The following TAF6L variants were observed in gnomAD, a reference collection of about 807,000 sequenced individuals.
The protein encoded by TAF6L is TATA-box binding protein associated factor 6 like.
Under a neutral mutation model 57.3 loss-of-function variants are expected in TAF6L, and 34 were observed. The ratio of observed to expected loss-of-function variants is 0.59; its 90% CI spans 0.45 to 0.79. TAF6L has a LOEUF of 0.79. Ranked by LOEUF, TAF6L falls within the 30% of genes least tolerant of loss-of-function variation. The pLI, the probability that TAF6L is intolerant of heterozygous loss-of-function variation, is 0.00. For missense variants in TAF6L, 782 were observed against 853.2 expected (o/e 0.92, Z 1.04); for synonymous variants, 417 against 376.3 (o/e 1.11, Z -1.25).
chr11:62,786,628 C>T lies in TAF6L; in HGVS notation c.1201C>T (p.Leu401Phe), dbSNP rs1242284975. ...GGACGACCTGCCATGGGACAGCCTT[C>T]TCTTTCAAGAGTCGTCCTCCGGGGG... ...RLDDLPWDSLLFQESSSGGGA... is the reference protein window; with the variant it reads ...RLDDLPWDSLFFQESSSGGGA... The change falls in exon 11 of 11, where the codon CTC (leucine) becomes TTC (phenylalanine). Residue 401 changes from leucine to phenylalanine, a missense_variant. By Grantham distance (22) the Leu-to-Phe change is conservative. Coordinates refer to ENST00000294168, the MANE Select transcript of TAF6L (RefSeq NM_006473.4). 2.5e-6 allele frequency: 4 copies of T among 1,601,968 alleles called. No individual in the cohort carries two copies. Among genetic ancestry groups the T allele is most frequent in the Non-Finnish European group, 3.4e-6 (4 of 1,174,040 alleles).
At chr11:62,773,604 C>T (rs518668) in intron 1 of TAF6L, among the ~76,000 whole-genome samples, 12,367 of 152,084 alleles carry the variant, frequency 0.081, 1,013 homozygotes, top group African/African-American at 0.21. Context: ...TGTGCCACCA[C>T]ACCTGGCTAA....
rs1262183536 is a variant in TAF6L at position 62,787,231 on chromosome 11, G to A, written c.1804G>A (p.Gly602Ser). The A allele has an allele frequency of 1.3e-6, 2 of 1,574,788 alleles. No individual in the cohort carries two copies. Among genetic ancestry groups the A allele is most frequent in the Admixed American group, 1.7e-5 (1 of 57,302 alleles). The change falls in exon 11 of 11, where the codon GGC becomes AGC. Residue 602 changes from glycine (G) to serine (S), a missense_variant. Gly to Ser is a moderately conservative substitution (Grantham distance 56). Transcript: ENST00000294168. ...CTACGTGCAGAAACTGCCCATGATC[G>A]GCCGTACCAGCCGCCCCGCCCGCCG... ...SRYVQKLPMI[G>S]RTSRPARRWA...
intron 5 of TAF6L, 117 bp from the exon 6 acceptor site, chr11:62,778,752 G>A: frequency 4.5e-6 from 4 of 889,446 alleles, no homozygotes; most frequent in Non-Finnish European, 7.4e-6. Flanking sequence ...TGGTTGTCCT[G>A]TCAGAAAGGC....
intron 9 of TAF6L, 169 bp from the exon 10 acceptor site, chr11:62,786,091 A>G (rs1156566455): frequency 5.2e-6 from 4 of 770,592 alleles, no homozygotes; most frequent in African/African-American, 5.2e-5. Context: ...TAGCTTAGGT[A>G]TACAGTAGGT....
intron 3 of TAF6L, among the ~76,000 whole-genome samples, chr11:62,777,266 G>T (rs2084194610): frequency 6.6e-6 from 1 of 152,134 alleles, no homozygotes; most frequent in Non-Finnish European, 1.5e-5. Flanking sequence ...GGCGTAGGTT[G>T]CAGTGAGCCG....
In TAF6L at chr11:62,787,342, A is replaced by G. The variant is rs2584916; in HGVS notation, c.*46A>G. The stretch of plus-strand genomic sequence containing the variant: ...TTGTAAATAAATCCCGCCCCCGGAA[A>G]TGACGTCTCCACCTTCGTGGGTCGC... On this transcript the variant is annotated 3_prime_UTR_variant, in exon 11 of 11. Transcript: ENST00000294168. 101,801 of 1,523,776 alleles carry G rather than the reference A, an allele frequency of 0.067. 4,845 individuals are homozygous for G. Among genetic ancestry groups the G allele is most frequent in the African/African-American group, 0.21 (15,059 of 70,900 alleles). The allele number at this position is 1,523,776 out of a possible 1,614,324, so 94.4% of individuals were successfully genotyped here.
chr11:62,772,269 C>T, intron 1 of TAF6L: 1 of 383,768 alleles, frequency 2.6e-6, no homozygotes. Context: ...CGCCTGTAAT[C>T]CTAGCACTTT....
rs761528474 is a variant in TAF6L at position 62,777,993 on chromosome 11, G to A, written c.250G>A (p.Gly84Arg). The change falls in exon 4 of 11, where the codon GGA (glycine) becomes AGA (arginine). Residue 84 changes from glycine (G) to arginine (R), a missense_variant. Coordinates refer to ENST00000294168, the MANE Select transcript of TAF6L (RefSeq NM_006473.4). ...TTTTCCTCAGGCTGTGTGTGGTTAC[G>A]GATCACAGGAGGCACTGCCCATGCG... is the stretch of plus-strand genomic sequence containing the variant. The part of the protein sequence containing the change: ...WSSVEAVCGY[G>R]SQEALPMRPA... 8.1e-6 allele frequency: 13 copies of A among 1,614,120 alleles called. No homozygotes were observed. In the South Asian group the frequency reaches 8.8e-5, roughly 11 times the overall value.
At position 62,786,722 on chromosome 11, in the gene TAF6L, C is replaced by T. The variant is rs774819975; in HGVS notation, c.1295C>T (p.Ser432Phe). 212 of 1,612,986 alleles carry T rather than the reference C, an allele frequency of 1.3e-4. No homozygotes were observed. The highest frequency in any genetic ancestry group is 1.7e-4 in the Non-Finnish European group (195 of 1,179,802). Residue 432 changes from serine (S) to phenylalanine (F), a missense_variant, in exon 11 of 11, where the codon TCT becomes TTT. Coordinates refer to ENST00000294168, the MANE Select transcript of TAF6L (RefSeq NM_006473.4). ...GGGGGCGCGGGGCCGGAGGACCCTT[C>T]TCTTTCGGTGACCCTGGCCGACATC... Reference protein sequence around the residue: ...PPGGAGPEDPSLSVTLADIYR... With the variant: ...PPGGAGPEDPFLSVTLADIYR...
intron 9 of TAF6L, 73 bp downstream of exon 9, chr11:62,782,898 G>C: frequency 6.3e-7 from 1 of 1,578,450 alleles, no homozygotes; most frequent in Non-Finnish European, 8.6e-7. Flanking sequence ...CTTGTGCATC[G>C]TTATCTCCAA....
chr11:62,775,779 G>A lies in TAF6L; in HGVS notation c.-5G>A, dbSNP rs756785276. On this transcript the variant is annotated 5_prime_UTR_variant, in exon 2 of 11. Transcript: ENST00000294168. ...TCATTCTCCACTCCCAGCTCCACTG[G>A]GGCCATGTCAGAGCGAGAAGAGCGG... 1.9e-6 allele frequency: 3 copies of A among 1,605,088 alleles called. No individual in the cohort carries two copies. The highest frequency in any genetic ancestry group is 2.5e-6 in the Non-Finnish European group (3 of 1,178,656).
In TAF6L at chr11:62,786,810, T is replaced by C. The variant is rs1313244694; in HGVS notation, c.1383T>C (p.Pro461=). The C allele has an allele frequency of 3.7e-6, 6 of 1,608,226 alleles. No homozygotes were observed. In the African/African-American group the frequency reaches 8.0e-5, roughly 21 times the overall value. Residue 461 remains proline (P), a synonymous_variant, in exon 11 of 11, where the codon CCT becomes CCC. Transcript: ENST00000294168. ...SLATRFGTGQ[P]APTAPRPPGD... ...CCACACGCTTTGGCACCGGCCAGCC[T>C]GCACCCACGGCTCCGCGGCCGCCCG... is the stretch of plus-strand genomic sequence containing the variant.
At chr11:62,784,345 C>T (rs1389892927) in intron 9 of TAF6L, among the ~76,000 whole-genome samples, 1 of 145,494 alleles carries the variant, frequency 6.9e-6, no homozygotes, top group Non-Finnish European at 1.5e-5. Context: ...CGCTCTGACA[C>T]CCAGGCTGGA....
chr11:62,786,609 C>T lies in TAF6L; in HGVS notation c.1182C>T (p.Asp394=). 1.9e-6 allele frequency: 3 copies of T among 1,589,524 alleles called. No homozygotes were observed. Among genetic ancestry groups the T allele is most frequent in the South Asian group, 1.1e-5 (1 of 87,944 alleles). ...PGGRGCRRLD[D]LPWDSLLFQE... ...GCAGGGGGTGCCGGCGCCTGGACGA[C>T]CTGCCATGGGACAGCCTTCTCTTTC... The change falls in exon 11 of 11, where the codon GAC becomes GAT. Residue 394 remains aspartate (D), a synonymous_variant. Coordinates refer to ENST00000294168, the MANE Select transcript of TAF6L (RefSeq NM_006473.4).
At chr11:62,775,011 C>T (rs2084175409) in intron 1 of TAF6L, among the ~76,000 whole-genome samples, 1 of 148,986 alleles carries the variant, frequency 6.7e-6, no homozygotes, top group Admixed American at 6.7e-5. Context: ...TTGCAGTGAG[C>T]TGAGATCGCG....
At chr11:62,784,335 C>A (rs769054257) in intron 9 of TAF6L, among the ~76,000 whole-genome samples, 69 of 136,290 alleles carry the variant, frequency 5.1e-4, no homozygotes, top group South Asian at 7.0e-4. Flanking sequence ...GACGGAGTCT[C>A]GCTCTGACAC....
intron 3 of TAF6L, 56 bp from the exon 4 acceptor site, chr11:62,777,922 C>G: frequency 9.4e-6 from 15 of 1,592,200 alleles, no homozygotes; most frequent in Non-Finnish European, 1.3e-5. Flanking sequence ...ATCCTGGATC[C>G]TGACGCCTGC....
At chr11:62,776,057 C>T (rs762925935) in intron 2 of TAF6L, 127 bp downstream of exon 2, 4 of 1,244,766 alleles carry the variant, frequency 3.2e-6, no homozygotes, top group Middle Eastern at 2.0e-4. Context: ...ACAGTCCATG[C>T]CTTTACAGAA....
At chr11:62,784,616 ATT>A (rs1279703724) in intron 9 of TAF6L, among the ~76,000 whole-genome samples, 6 of 151,998 alleles carry the variant, frequency 3.9e-5, no homozygotes, top group Non-Finnish European at 5.9e-5. Context: ...TATATTCTTA[ATT>A]TTATCATCAA....
Sources: allele counts gnomAD v4.1 joint callset (sites outside exome capture counted in the v4.1 genomes callset), GRCh38; gene constraint gnomAD v4.1.1; transcripts MANE v1.5; gene names NCBI Gene and HGNC (gene_info 2026-07-23, HGNC 2026-07-21).